Variants in POC5 observed in about 807,000 individuals in gnomAD.
The protein encoded by POC5 is centrosomal protein POC5.
In POC5, 48 loss-of-function variants were observed where a neutral mutation model predicts 62.9. That is an observed-to-expected ratio of 0.76 (90% confidence interval 0.61 to 0.97). POC5 has a LOEUF of 0.97. Ranked by LOEUF, POC5 falls within the 50% of genes least tolerant of loss-of-function variation. The pLI is 0.00. For synonymous variants in POC5, 236 were observed against 228.2 expected, an observed-to-expected ratio of 1.03 and a Z score of -0.31; for missense variants, 696 against 679.5, an observed-to-expected ratio of 1.02 and a Z score of -0.27.
At chr5:75,715,029 C>T (rs192847326) in intron 1 of POC5, among the ~76,000 whole-genome samples, 1 of 151,962 alleles carries the variant, frequency 6.6e-6, no homozygotes, top group East Asian at 1.9e-4. Context: ...AAGAACTGCC[C>T]AGGCCGGGCA....
intron 2 of POC5, among the ~76,000 whole-genome samples, chr5:75,710,005 C>T (rs1383457569): frequency 6.6e-6 from 1 of 152,192 alleles, no homozygotes; most frequent in African/African-American, 2.4e-5. Flanking sequence ...ATGTGTACAA[C>T]TTTAGGTGAA....
chr5:75,674,715 G>A (rs958943964), intron 11 of POC5, 137 bp from the exon 12 acceptor site: 3 of 1,134,818 alleles, frequency 2.6e-6, no homozygotes, highest in Admixed American at 2.2e-5. Context: ...GTGGAGTGAA[G>A]CAGCTGTTAA....
intron 5 of POC5, among the ~76,000 whole-genome samples, chr5:75,699,809 C>T (rs547528772): frequency 0.17 from 22,342 of 129,394 alleles, 2,176 homozygotes; most frequent in South Asian, 0.22. Context: ...GATTGTATAT[C>T]TAGAAAACCC....
chr5:75,699,123 G>C (rs963497499), intron 5 of POC5, among the ~76,000 whole-genome samples: 4 of 152,184 alleles, frequency 2.6e-5, no homozygotes, highest in African/African-American at 7.2e-5. Context: ...ATTCACAGCT[G>C]AATTCTACCA....
In POC5 at chr5:75,677,910, C is replaced by T; in HGVS notation, c.1448G>A (p.Gly483Glu). 2 of 1,609,440 alleles carry T rather than the reference C, an allele frequency of 1.2e-6. No homozygotes were observed. The highest frequency in any genetic ancestry group is 2.2e-5 in the East Asian group (1 of 44,632). Residue 483 changes from glycine (G) to glutamate (E), a missense_variant, in exon 11 of 12, where the codon GGA (glycine) becomes GAA (glutamate). Transcript: ENST00000428202. The stretch of plus-strand genomic sequence containing the variant: ...TGTGATCCGGGCTGTAATAGTTCTT[C>T]CTGCTTTCTGTTGTGCAGAGGTTAC... Reference protein sequence around the residue: ...RVVTSAQQKAGRTITARITGR... With the variant: ...RVVTSAQQKAERTITARITGR...
In POC5 at chr5:75,702,775, GAGA is replaced by G; in HGVS notation, c.340_342del (p.Ser114del). 1 of 1,590,072 alleles carries G rather than the reference GAGA, an allele frequency of 6.3e-7. No homozygotes were observed. On this transcript the variant is annotated inframe_deletion, in exon 5 of 12. Coordinates refer to ENST00000428202, the MANE Select transcript of POC5 (RefSeq NM_001099271.2). ...GAACTGAAAAAATCCATGACTGGGT[GAGA>G]AGGCTTCCTTGGCGATAACACTGGT...
chr5:75,679,244 T>G (rs1223996186), intron 10 of POC5, among the ~76,000 whole-genome samples: 4 of 152,174 alleles, frequency 2.6e-5, no homozygotes, highest in Non-Finnish European at 5.9e-5. Context: ...GGTAGTTATA[T>G]TCTTATAACA....
At position 75,712,842 on chromosome 5, in the gene POC5, A is replaced by G; in HGVS notation, c.84+12T>C. 2 of 1,584,488 alleles carry G rather than the reference A, an allele frequency of 1.3e-6. No individual in the cohort carries two copies. The highest frequency in any genetic ancestry group is 8.6e-7 in the Non-Finnish European group (1 of 1,165,510). On this transcript the variant is annotated intron_variant, in intron 2 of 11. Coordinates refer to ENST00000428202, the MANE Select transcript of POC5 (RefSeq NM_001099271.2). ...AAAAAAAGTCATGGTAAATTTAGAA[A>G]TTTTTTCCTACCTGAAGATTCGAAG... is the stretch of plus-strand genomic sequence containing the variant.
Position 75,702,801 on chromosome 5 carries a change from G to A in POC5, c.317C>T (p.Pro106Leu). The A allele has an allele frequency of 6.4e-7, 1 of 1,571,520 alleles. No individual in the cohort carries two copies. The highest frequency in any genetic ancestry group is 1.2e-5 in the South Asian group (1 of 85,678). ...AGAAGGCTTCCTTGGCGATAACACT[G>A]GTGATGACTCTGAATAAAAGAAAAG... Reference protein sequence around the residue: ...SSHSKTDESSPVLSPRKPSHP... With the variant: ...SSHSKTDESSLVLSPRKPSHP... Residue 106 changes from proline to leucine, a missense_variant, in exon 5 of 12, where the codon CCA (proline) becomes CTA (leucine). Transcript: ENST00000428202.
At chr5:75,702,542 A>G in intron 5 of POC5, 63 bp downstream of exon 5, 2 of 1,454,352 alleles carry the variant, frequency 1.4e-6, no homozygotes, top group East Asian at 2.4e-5. Context: ...AACAGTATAA[A>G]TGAGAGTAAA....
intron 10 of POC5, among the ~76,000 whole-genome samples, chr5:75,684,719 G>A (rs1409749451): frequency 6.6e-6 from 1 of 151,966 alleles, no homozygotes; most frequent in East Asian, 1.9e-4. Flanking sequence ...TCACTACTAT[G>A]ACAGCACTTT....
intron 8 of POC5, 67 bp downstream of exon 8, chr5:75,690,316 T>C: frequency 7.3e-7 from 1 of 1,378,084 alleles, no homozygotes. Context: ...AGTCTATTAA[T>C]TAATAGTGAG....
intron 9 of POC5, among the ~76,000 whole-genome samples, chr5:75,687,880 A>C (rs1054082207): frequency 6.6e-6 from 1 of 152,210 alleles, no homozygotes. Context: ...AGACTATTCT[A>C]TCATTGAAGG....
chr5:75,677,313 C>A (rs1775704728), intron 11 of POC5, among the ~76,000 whole-genome samples: 2 of 151,884 alleles, frequency 1.3e-5, no homozygotes, highest in South Asian at 4.1e-4. Flanking sequence ...AACATGCTGA[C>A]AATTGTACTG....
chr5:75,699,020 A>C (rs1776740991), intron 5 of POC5, among the ~76,000 whole-genome samples: 1 of 152,098 alleles, frequency 6.6e-6, no homozygotes, highest in Admixed American at 6.5e-5. Flanking sequence ...TAAACCAGGA[A>C]GAAGTTGAAT....
At chr5:75,678,738 A>G (rs1370253700) in intron 10 of POC5, among the ~76,000 whole-genome samples, 1 of 152,122 alleles carries the variant, frequency 6.6e-6, no homozygotes, top group Non-Finnish European at 1.5e-5. Flanking sequence ...TCCTCTTTTG[A>G]GAGTTACTTC....
chr5:75,712,991 AT>A, intron 1 of POC5, 40 bp from the exon 2 acceptor site: 1 of 1,402,592 alleles, frequency 7.1e-7, no homozygotes, highest in Non-Finnish European at 9.9e-7. Context: ...TTTCCTTGAT[AT>A]TTAAGATAAA....
intron 5 of POC5, among the ~76,000 whole-genome samples, chr5:75,701,872 A>C (rs1302711707): frequency 6.6e-6 from 1 of 152,226 alleles, no homozygotes; most frequent in Non-Finnish European, 1.5e-5. Flanking sequence ...GAGTGGCTAT[A>C]AAATGAATAT....
chr5:75,689,023 C>G lies in POC5; in HGVS notation c.1118G>C (p.Arg373Thr). 1 of 1,562,930 alleles carries G rather than the reference C, an allele frequency of 6.4e-7. No homozygotes were observed. The highest frequency in any genetic ancestry group is 1.4e-5 in the African/African-American group (1 of 72,742). Reference sequence around the variant, plus strand: ...AATGAAATACTAACCTGCATCATTTCTGTTTTGAAATATAGTCATGGCTTC... The same window carrying G: ...AATGAAATACTAACCTGCATCATTTGTGTTTTGAAATATAGTCATGGCTTC... ...NLEAMTIFQNRNDAGIDSTNN... is the reference protein window; with the variant it reads ...NLEAMTIFQNTNDAGIDSTNN... Residue 373 changes from arginine to threonine, a missense_variant, in exon 9 of 12, where the codon AGA (arginine) becomes ACA (threonine). Coordinates refer to ENST00000428202, the MANE Select transcript of POC5 (RefSeq NM_001099271.2).
Sources: allele counts gnomAD v4.1 joint callset (sites outside exome capture counted in the v4.1 genomes callset), GRCh38; gene constraint gnomAD v4.1.1; transcripts MANE v1.5; gene names NCBI Gene and HGNC (gene_info 2026-07-23, HGNC 2026-07-21).